Variants in MDGA2 observed in about 807,000 individuals in gnomAD.
MDGA2 encodes the protein MAM domain-containing glycosylphosphatidylinositol anchor protein 2.
MDGA2 carries 40 observed loss-of-function variants against 117.8 expected under a neutral mutation model. That is an observed-to-expected ratio of 0.34 (90% CI 0.26 to 0.44). The LOEUF is 0.44. MDGA2 is among the 20% of genes least tolerant of loss of function. The probability of loss-of-function intolerance (pLI) is 1.00; values close to 1 mark genes in which losing one functional copy is unlikely to be tolerated. For missense variants in MDGA2, 1,123 were observed against 1,250.6 expected (o/e 0.90, Z 1.54); for synonymous variants, 452 against 439.0 (o/e 1.03, Z -0.37).
chr14:47,522,614 T>C (rs1236932849), intron 1 of MDGA2, among the ~76,000 whole-genome samples: 1 of 11,588 alleles, frequency 8.6e-5, no homozygotes, highest in Non-Finnish European at 2.1e-4. Flanking sequence ...TTAACAGTTA[T>C]ACAAGGAATA....
At chr14:46,842,074 C>A in intron 16 of MDGA2, 55 bp from the exon 17 acceptor site, 2 of 1,150,396 alleles carry the variant, frequency 1.7e-6, no homozygotes, top group Non-Finnish European at 2.6e-6. Context: ...AAGCATTCCA[C>A]GTAGCTACTA....
At position 46,882,236 on chromosome 14, in the gene MDGA2, A is replaced by G; in HGVS notation, c.2239-15T>C. On this transcript the variant is annotated splice_polypyrimidine_tract_variant and intron_variant, in intron 10 of 16. Coordinates refer to ENST00000399232, the MANE Select transcript of MDGA2 (RefSeq NM_001113498.3). ...TGCTGTCCAGCCTGAAATCAAAACAATAATAGAATAATGTTCCCAGTATGT... is the reference window on the plus strand; with the variant it reads ...TGCTGTCCAGCCTGAAATCAAAACAGTAATAGAATAATGTTCCCAGTATGT... The G allele has an allele frequency of 6.3e-7, 1 of 1,599,638 alleles. No individual in the cohort carries two copies. Among genetic ancestry groups the G allele is most frequent in the Non-Finnish European group, 8.5e-7 (1 of 1,172,654 alleles).
At position 47,674,549 on chromosome 14, in the gene MDGA2, A is replaced by G; in HGVS notation, c.248T>C (p.Leu83Pro). Reference protein sequence around the residue: ...LYGLVWLLTVLLEGISGQGVY... With the variant: ...LYGLVWLLTVPLEGISGQGVY... ...TCCTTGGCCAGAGATCCCCTCCAGG[A>G]GGACTGTCAGCAGCCACACGAGACC... Residue 83 changes from leucine to proline, a missense_variant, in exon 1 of 17, where the codon CTC becomes CCC. Physicochemically the swap from Leu to Pro is moderately conservative, Grantham distance 98. Around this residue, in one of 2 missense-constraint regions of MDGA2, gnomAD observed 233 missense variants for 200.3 expected, o/e 1.16. Coordinates refer to ENST00000399232, the MANE Select transcript of MDGA2 (RefSeq NM_001113498.3). The G allele has an allele frequency of 6.4e-7, 1 of 1,551,278 alleles. No homozygotes were observed.
chr14:47,371,287 G>A (rs901892202), intron 1 of MDGA2, among the ~76,000 whole-genome samples: 69 of 151,718 alleles, frequency 4.5e-4, no homozygotes, highest in African/African-American at 1.3e-3. Flanking sequence ...CTAATGCACC[G>A]AAAGAATTTT....
chr14:47,318,539 G>T (rs998284450), intron 1 of MDGA2, among the ~76,000 whole-genome samples: 2 of 151,996 alleles, frequency 1.3e-5, no homozygotes, highest in Non-Finnish European at 2.9e-5. Context: ...ACTACTTAAC[G>T]TGATACAGTT....
intron 1 of MDGA2, among the ~76,000 whole-genome samples, chr14:47,321,576 G>C (rs1044828332): frequency 2.6e-5 from 4 of 152,036 alleles, no homozygotes; most frequent in Non-Finnish European, 5.9e-5. Context: ...GCTACAAACA[G>C]ATTTAGTAGG....
At chr14:47,653,106 A>C (rs750926904) in intron 1 of MDGA2, among the ~76,000 whole-genome samples, 4 of 152,212 alleles carry the variant, frequency 2.6e-5, no homozygotes, top group Non-Finnish European at 4.4e-5. Flanking sequence ...TAAGAATCTT[A>C]GATGGACAAG....
rs56853118 is a variant in MDGA2 at position 47,651,213 on chromosome 14, G to GGT, written c.280+23302_280+23303dup. Among the ~76,000 whole-genome samples the GGT allele has an allele frequency of 4.3e-3, 631 of 146,510 alleles. 4 individuals carry two copies. Among genetic ancestry groups the GGT allele is most frequent in the East Asian group, 0.014 (67 of 4,842 alleles). ...GGAGATTCTGTGTGTGTGTGCATGT[G>GGT]GTGTGTGTGTGTGTGTGTGTGTGTG... is the stretch of plus-strand genomic sequence containing the variant. On this transcript the variant is annotated intron_variant, in intron 1 of 16. Coordinates refer to ENST00000399232, the MANE Select transcript of MDGA2 (RefSeq NM_001113498.3).
chr14:47,195,587 T>A (rs1330417858), intron 3 of MDGA2, among the ~76,000 whole-genome samples: 2 of 152,036 alleles, frequency 1.3e-5, no homozygotes, highest in African/African-American at 4.8e-5. Context: ...ACCTGGTGAT[T>A]TGCAAAACTG....
chr14:46,974,264 T>C (rs1040561501), intron 8 of MDGA2, among the ~76,000 whole-genome samples: 2 of 152,152 alleles, frequency 1.3e-5, no homozygotes, highest in Non-Finnish European at 2.9e-5. Flanking sequence ...ATTCATTAAT[T>C]GGAAGACCTA....
intron 1 of MDGA2, among the ~76,000 whole-genome samples, chr14:47,549,782 A>G (rs1895545005): frequency 6.6e-6 from 1 of 152,138 alleles, no homozygotes; most frequent in Non-Finnish European, 1.5e-5. Flanking sequence ...AACCCTCCAC[A>G]TATGCATGCA....
intron 8 of MDGA2, among the ~76,000 whole-genome samples, chr14:46,969,120 G>A (rs180853655): frequency 0.039 from 5,877 of 152,142 alleles, 381 homozygotes; most frequent in African/African-American, 0.13. Context: ...TGGTGTATAT[G>A]TGCCACATTT....
At chr14:47,070,591 CT>C (rs56262472) in intron 6 of MDGA2, among the ~76,000 whole-genome samples, 106 of 151,344 alleles carry the variant, frequency 7.0e-4, no homozygotes, top group Admixed American at 4.1e-3. Flanking sequence ...TCTTCCAGTA[CT>C]TTTTTTTTAT....
At chr14:47,380,484 A>AACG (rs1891592446) in intron 1 of MDGA2, among the ~76,000 whole-genome samples, 3 of 73,356 alleles carry the variant, frequency 4.1e-5, no homozygotes, top group African/African-American at 1.3e-4. Flanking sequence ...CAAAACTAAT[A>AACG]AAGAAGAGAG....
chr14:47,358,071 C>T (rs1006860185), intron 1 of MDGA2, among the ~76,000 whole-genome samples: 3 of 152,162 alleles, frequency 2.0e-5, no homozygotes, highest in Admixed American at 2.0e-4. Flanking sequence ...AGAAGCTCTG[C>T]CCCAGAAAAC....
intron 4 of MDGA2, among the ~76,000 whole-genome samples, chr14:47,137,965 A>T (rs1882537140): frequency 6.6e-6 from 1 of 152,216 alleles, no homozygotes; most frequent in Non-Finnish European, 1.5e-5. Flanking sequence ...GAGAGTGGGT[A>T]ATACAGATGA....
At chr14:47,431,924 A>G (rs1381192830) in intron 1 of MDGA2, among the ~76,000 whole-genome samples, 6 of 152,086 alleles carry the variant, frequency 3.9e-5, no homozygotes, top group Non-Finnish European at 7.4e-5. Context: ...AGCACTCTTT[A>G]TTTCAAAGAC....
intron 1 of MDGA2, among the ~76,000 whole-genome samples, chr14:47,395,671 A>G (rs940384268): frequency 6.6e-6 from 1 of 152,154 alleles, no homozygotes; most frequent in African/African-American, 2.4e-5. Flanking sequence ...ACTGAATTAT[A>G]GACAATGAAC....
intron 2 of MDGA2, among the ~76,000 whole-genome samples, chr14:47,262,280 GGT>G (rs1396442200): frequency 6.6e-6 from 1 of 152,102 alleles, no homozygotes; most frequent in Non-Finnish European, 1.5e-5. Context: ...CTGTGGGAAT[GGT>G]GTAGTGGTTA....
Sources: allele counts gnomAD v4.1 joint callset (sites outside exome capture counted in the v4.1 genomes callset), GRCh38; gene constraint gnomAD v4.1.1; regional missense constraint gnomAD v4.1.1; transcripts MANE v1.5; gene names NCBI Gene and HGNC (gene_info 2026-07-23, HGNC 2026-07-21).